The following AGPAT3 variants were observed in gnomAD, a reference collection of about 807,000 sequenced individuals.
AGPAT3 encodes 1-acylglycerol-3-phosphate O-acyltransferase 3.
In AGPAT3, 5 loss-of-function variants were observed where a neutral mutation model predicts 47.3. The ratio of observed to expected loss-of-function variants is 0.11; its 90% confidence interval spans 0.06 to 0.22. AGPAT3 has a LOEUF of 0.22. Among genes scored for constraint, AGPAT3 ranks in the 10% least tolerant of loss-of-function variants. The pLI is 1.00. For missense variants in AGPAT3, 315 were observed against 493.0 expected (o/e 0.64, Z 3.42); for synonymous variants, 212 against 208.3 (o/e 1.02, Z -0.15).
In AGPAT3 at chr21:43,930,972, G is replaced by A. The variant is rs181284716; in HGVS notation, c.-49+26953G>A. On this transcript the variant is annotated intron_variant, in intron 2 of 9. Coordinates refer to ENST00000291572, the MANE Select transcript of AGPAT3 (RefSeq NM_020132.5). The surrounding 1 kb of genome is among the most constrained non-coding windows in gnomAD (Gnocchi z 5.0). ...GAGATCCTGGGGCAGGGGCTGTGGGGGCTCTAGAGTGGGGGTGAACGCACG... is the reference window on the plus strand; with the variant it reads ...GAGATCCTGGGGCAGGGGCTGTGGGAGCTCTAGAGTGGGGGTGAACGCACG... 7.4e-4 allele frequency among the ~76,000 whole-genome samples: 113 copies of A among 152,292 alleles called. 2 individuals are homozygous for A. In the East Asian group the frequency reaches 0.018, roughly 25 times the overall value.
At chr21:43,888,988 C>CA (rs11389630) in intron 1 of AGPAT3, among the ~76,000 whole-genome samples, 43,010 of 146,742 alleles carry the variant, frequency 0.29, 7,225 homozygotes, top group East Asian at 0.54. Flanking sequence ...GAACTTGTCT[C>CA]AAAAAAAAAA....
In AGPAT3 at chr21:43,897,000, T is replaced by C. The variant is rs185525785; in HGVS notation, c.-111-6957T>C. On this transcript the variant is annotated intron_variant, in intron 1 of 9. Coordinates refer to ENST00000291572, the MANE Select transcript of AGPAT3 (RefSeq NM_020132.5). ...TTATTGATCATTCTTGGGTGTTTCT[T>C]GGAGAGGGGGATGTGGCAGGGTCAT... is the stretch of plus-strand genomic sequence containing the variant. Among the ~76,000 whole-genome samples, 7 of 143,778 alleles carry C rather than the reference T, an allele frequency of 4.9e-5. No individual in the cohort carries two copies. In the South Asian group the frequency reaches 1.3e-3, roughly 28 times the overall value. The allele number at this position is 143,778 out of a possible 152,430, so 94.3% of individuals were successfully genotyped here.
chr21:43,984,505 G>A lies in AGPAT3; in HGVS notation c.*2113G>A, dbSNP rs575894144. On this transcript the variant is annotated 3_prime_UTR_variant, in exon 10 of 10. Transcript: ENST00000291572. ...CCTCCCTTTGAAATTAATATATAAT[G>A]TATAAATTCTGCACTGAGCCATGGC... 6.5e-6 allele frequency: 1 copy of A among 153,368 alleles called. No individual in the cohort carries two copies. The highest frequency in any genetic ancestry group is 2.1e-4 in the South Asian group (1 of 4,862). The allele number at this position is 153,368 out of a possible 1,614,324, so 9.5% of individuals were successfully genotyped here.
At chr21:43,975,210 G>C (rs970580209) in intron 7 of AGPAT3, among the ~76,000 whole-genome samples, 1 of 146,582 alleles carries the variant, frequency 6.8e-6, no homozygotes. Flanking sequence ...GGTGTGTTCT[G>C]GTGTGTGCTG....
chr21:43,924,476 C>A (rs187482260), intron 2 of AGPAT3, among the ~76,000 whole-genome samples: 1 of 152,346 alleles, frequency 6.6e-6, no homozygotes, highest in African/African-American at 2.4e-5. Flanking sequence ...CTGCTTATCA[C>A]ACAGCTCCCC....
At chr21:43,961,194 C>T (rs2088816746) in intron 3 of AGPAT3, among the ~76,000 whole-genome samples, 1 of 151,398 alleles carries the variant, frequency 6.6e-6, no homozygotes, top group Non-Finnish European at 1.5e-5. Flanking sequence ...GAGAAAACTG[C>T]GTGATGCTGA....
Position 43,880,394 on chromosome 21 carries a change from G to A in AGPAT3, c.-112+15049G>A, listed in dbSNP as rs948356657. Among the ~76,000 whole-genome samples the A allele has an allele frequency of 6.6e-6, 1 of 152,210 alleles. No individual in the cohort carries two copies. The highest frequency in any genetic ancestry group is 2.4e-5 in the African/African-American group (1 of 41,456). On this transcript the variant is annotated intron_variant, in intron 1 of 9. Coordinates refer to ENST00000291572, the MANE Select transcript of AGPAT3 (RefSeq NM_020132.5). This position sits in a 1 kb window ranked among gnomAD's most constrained non-coding sequence, Gnocchi z 4.5. ...GTCAGCCTGTTCTTGTCTTGTTCTGGTGCCACTTCCTCAGGTATGCGAGGG... is the reference window on the plus strand; with the variant it reads ...GTCAGCCTGTTCTTGTCTTGTTCTGATGCCACTTCCTCAGGTATGCGAGGG...
At chr21:43,904,063 AGAGTGTGTGT>A (rs1444164338) in intron 2 of AGPAT3, 44 bp downstream of exon 2, 2 of 76,886 alleles carry the variant, frequency 2.6e-5, no homozygotes, top group African/African-American at 1.0e-4. Context: ...GCCGTGTGTG[AGAGTGTGTGT>A]GTGTGTGTGT....
At position 43,970,825 on chromosome 21, in the gene AGPAT3, G is replaced by T; in HGVS notation, c.664+19G>T. The T allele has an allele frequency of 1.3e-6, 2 of 1,514,652 alleles. No individual in the cohort carries two copies. The allele number at this position is 1,514,652 out of a possible 1,614,324, so 93.8% of individuals were successfully genotyped here. On this transcript the variant is annotated intron_variant, in intron 6 of 9. Transcript: ENST00000291572. This position sits in a 1 kb window ranked among gnomAD's most constrained non-coding sequence, Gnocchi z 5.8. ...GGGACAGGTAGGCCCCAGACTGCCCGAGCCGGGGCCACCGCTATGCTCACG... is the reference window on the plus strand; with the variant it reads ...GGGACAGGTAGGCCCCAGACTGCCCTAGCCGGGGCCACCGCTATGCTCACG...
rs1013056046 is a variant in AGPAT3, at chr21:43,985,426, A to T, written c.*3034A>T. ...AAAAAAAAAAAAGCACGTCCTGTCG[A>T]TGAATTTTGAGTCTCTCTGCCTTGC... On this transcript the variant is annotated 3_prime_UTR_variant, in exon 10 of 10. Coordinates refer to ENST00000291572, the MANE Select transcript of AGPAT3 (RefSeq NM_020132.5). The T allele has an allele frequency of 1.8e-5, 6 of 332,336 alleles. No individual in the cohort carries two copies. The East Asian group carries it at 3.3e-4, about 18-fold the overall frequency. The allele number at this position is 332,336 out of a possible 1,614,324, so 20.6% of individuals were successfully genotyped here. A position where few individuals can be genotyped will look rare whatever the true frequency, so the allele number is the denominator to read the frequency against.
At chr21:43,912,276 A>G (rs541888982) in intron 2 of AGPAT3, among the ~76,000 whole-genome samples, 11 of 152,330 alleles carry the variant, frequency 7.2e-5, no homozygotes, top group African/African-American at 2.2e-4. Context: ...CACGCGAGCA[A>G]AGGGTGGGGC....
intron 2 of AGPAT3, among the ~76,000 whole-genome samples, chr21:43,935,246 G>A (rs148144368): frequency 5.7e-4 from 87 of 152,396 alleles, no homozygotes; most frequent in Non-Finnish European, 1.1e-3. Context: ...GTGGCCTTGC[G>A]TGGTGAGGGA....
At chr21:43,876,174 T>C (rs1258700384) in intron 1 of AGPAT3, among the ~76,000 whole-genome samples, 1 of 152,208 alleles carries the variant, frequency 6.6e-6, no homozygotes, top group Non-Finnish European at 1.5e-5. Flanking sequence ...TCTCCTCTTG[T>C]TTGGTATTCT....
At chr21:43,901,333 AAAAAAAG>A (rs1177765765) in intron 1 of AGPAT3, among the ~76,000 whole-genome samples, 5 of 151,856 alleles carry the variant, frequency 3.3e-5, no homozygotes, top group African/African-American at 7.2e-5. Flanking sequence ...AAAAAAAAAA[AAAAAAAG>A]AGAAGAGAAA....
At chr21:43,917,718 C>T (rs946327909) in intron 2 of AGPAT3, among the ~76,000 whole-genome samples, 6 of 151,912 alleles carry the variant, frequency 3.9e-5, no homozygotes, top group African/African-American at 7.2e-5. Flanking sequence ...TAACTCGTTT[C>T]GCTGCCTTAT....
intron 2 of AGPAT3, among the ~76,000 whole-genome samples, chr21:43,956,209 T>C (rs953177720): frequency 1.3e-5 from 2 of 152,164 alleles, no homozygotes; most frequent in African/African-American, 4.8e-5. Flanking sequence ...AAGAAAGGCG[T>C]TCTGAAACAG....
intron 8 of AGPAT3, among the ~76,000 whole-genome samples, chr21:43,980,111 T>G (rs1254098505): frequency 6.6e-6 from 1 of 151,618 alleles, no homozygotes; most frequent in African/African-American, 2.4e-5. Flanking sequence ...TGAAACCCTG[T>G]CTCCACTAAA....
chr21:43,960,392 G>A (rs1266684383), intron 3 of AGPAT3, among the ~76,000 whole-genome samples: 1 of 152,224 alleles, frequency 6.6e-6, no homozygotes, highest in African/African-American at 2.4e-5. Flanking sequence ...AGACTCAGAG[G>A]CTTGGTAACA....
chr21:43,874,283 C>T (rs2085687451), intron 1 of AGPAT3, among the ~76,000 whole-genome samples: 1 of 152,192 alleles, frequency 6.6e-6, no homozygotes, highest in Admixed American at 6.5e-5. Context: ...ACCTCGGCTT[C>T]CCCGAGTGCT....
Sources: gnomAD v4.1 joint callset for allele counts (sites outside exome capture counted in the v4.1 genomes callset) on GRCh38, gnomAD v4.1.1 for gene constraint, Gnocchi (gnomAD v3.1) non-coding constraint, MANE v1.5 for transcripts, NCBI Gene and HGNC (gene_info 2026-07-23, HGNC 2026-07-21) for gene names.